Variants in WHAMM observed in about 807,000 individuals in gnomAD.
WHAMM encodes WASP homolog-associated protein with actin, membranes and microtubules.
A neutral mutation model predicts 76.5 loss-of-function variants in WHAMM; 67 were observed. The ratio of observed to expected loss-of-function variants is 0.88; its 90% CI spans 0.72 to 1.07. The LOEUF (loss-of-function observed/expected upper bound fraction) is 1.07. Among genes scored for constraint, WHAMM ranks in the 50% least tolerant of loss-of-function variants. WHAMM has a pLI of 0.00. For synonymous variants in WHAMM, 419 were observed against 422.1 expected (o/e 0.99, Z 0.09); for missense variants, 1,021 against 1,051.1 (o/e 0.97, Z 0.40).
At chr15:82,827,801 C>G (rs565965114) in intron 8 of WHAMM, among the ~76,000 whole-genome samples, 1 of 152,014 alleles carries the variant, frequency 6.6e-6, no homozygotes, top group Non-Finnish European at 1.5e-5. Flanking sequence ...AAAAATTAGC[C>G]GGGCATGGTG....
intron 7 of WHAMM, 38 bp downstream of exon 7, chr15:82,826,534 T>G (rs1275682023): frequency 2.5e-6 from 4 of 1,601,768 alleles, no homozygotes; most frequent in Non-Finnish European, 3.4e-6. Context: ...TATGTTTGTG[T>G]AGCGTGACAT....
chr15:82,832,170 T>G (rs946052461), intron 9 of WHAMM, among the ~76,000 whole-genome samples: 1 of 152,210 alleles, frequency 6.6e-6, no homozygotes, highest in African/African-American at 2.4e-5. Context: ...ATGCACATGG[T>G]TTTGGGAAGT....
chr15:82,818,152 A>G, intron 4 of WHAMM, 63 bp downstream of exon 4: 2 of 1,497,602 alleles, frequency 1.3e-6, no homozygotes, highest in African/African-American at 1.4e-5. Context: ...AACATTTTGT[A>G]TAAATAAAGG....
intron 2 of WHAMM, among the ~76,000 whole-genome samples, chr15:82,814,645 TTTC>T (rs1243348627): frequency 6.7e-6 from 1 of 149,044 alleles, no homozygotes; most frequent in Non-Finnish European, 1.5e-5. Context: ...AGAGACGGGG[TTTC>T]TTCATGTTGG....
intron 2 of WHAMM, 108 bp downstream of exon 2, chr15:82,813,384 C>A: frequency 9.3e-7 from 1 of 1,080,380 alleles, no homozygotes; most frequent in Non-Finnish European, 1.3e-6. Context: ...TTGGGTTTAC[C>A]ATTATGTTTA....
Position 82,835,126 on chromosome 15 carries a change from T to C in WHAMM, c.*1590T>C, listed in dbSNP as rs1015023817. ...TAGAACAGAAATCTTCCTACTTCAG[T>C]TTTTTTGTTTTTTTTTTTGAGACAG... On this transcript the variant is annotated 3_prime_UTR_variant, in exon 10 of 10. Coordinates refer to ENST00000286760, the MANE Select transcript of WHAMM (RefSeq NM_001080435.3). 2.4e-5 allele frequency: 2 copies of C among 84,088 alleles called. No individual in the cohort carries two copies. The highest frequency in any genetic ancestry group is 2.5e-4 in the Admixed American group (2 of 7,870). The allele number at this position is 84,088 out of a possible 1,614,324, so 5.2% of individuals were successfully genotyped here. A position where few individuals can be genotyped will look rare whatever the true frequency, so the allele number is the denominator to read the frequency against.
At chr15:82,814,390 G>A (rs2050683349) in intron 2 of WHAMM, among the ~76,000 whole-genome samples, 1 of 152,168 alleles carries the variant, frequency 6.6e-6, no homozygotes, top group Admixed American at 6.5e-5. Context: ...GGATAAAGTT[G>A]TTCTGTTCAT....
At chr15:82,812,153 A>G (rs1171132696) in intron 1 of WHAMM, among the ~76,000 whole-genome samples, 1 of 152,154 alleles carries the variant, frequency 6.6e-6, no homozygotes, top group Non-Finnish European at 1.5e-5. Flanking sequence ...CTTCATGGGA[A>G]TATTAATCTG....
chr15:82,815,149 A>G (rs2050704429), intron 2 of WHAMM, among the ~76,000 whole-genome samples: 3 of 46,266 alleles, frequency 6.5e-5, no homozygotes, highest in African/African-American at 3.7e-4. Flanking sequence ...ATATATATAT[A>G]TATATAGTAC....
At chr15:82,817,195 T>A (rs1474113101) in intron 3 of WHAMM, among the ~76,000 whole-genome samples, 1 of 151,820 alleles carries the variant, frequency 6.6e-6, no homozygotes, top group South Asian at 2.1e-4. Context: ...TGAGAGAAAA[T>A]AAAAAGTGAG....
chr15:82,829,004 T>C (rs1344878472), intron 8 of WHAMM, among the ~76,000 whole-genome samples: 2 of 152,150 alleles, frequency 1.3e-5, no homozygotes, highest in Non-Finnish European at 2.9e-5. Flanking sequence ...GAAGGGGACA[T>C]AGCCAATTTG....
intron 2 of WHAMM, among the ~76,000 whole-genome samples, chr15:82,816,153 C>T (rs1199621232): frequency 6.6e-6 from 1 of 152,160 alleles, no homozygotes; most frequent in Admixed American, 6.5e-5. Context: ...CTAATTACCC[C>T]CCAAAGGCCC....
chr15:82,820,896 C>CAAAAAAAAAAA (rs60974626), intron 5 of WHAMM, among the ~76,000 whole-genome samples: 7 of 119,666 alleles, frequency 5.8e-5, no homozygotes, highest in East Asian at 2.6e-4. Flanking sequence ...GACTCTGTCT[C>CAAAAAAAAAAA]AAAAAAAAAA....
intron 2 of WHAMM, 28 bp from the exon 3 acceptor site, chr15:82,816,664 C>T: frequency 6.5e-7 from 1 of 1,528,002 alleles, no homozygotes; most frequent in Non-Finnish European, 8.8e-7. Context: ...TTAGCTCTTA[C>T]TAAGAAAATT....
Position 82,836,049 on chromosome 15 carries a change from G to A in WHAMM, c.*2513G>A, listed in dbSNP as rs1256574231. 6.6e-6 allele frequency: 1 copy of A among 152,118 alleles called. No individual in the cohort carries two copies. The highest frequency in any genetic ancestry group is 1.5e-5 in the Non-Finnish European group (1 of 67,998). 9.4% of individuals were successfully genotyped at this position (152,118 alleles called of 1,614,324 possible). A position where few individuals can be genotyped will look rare whatever the true frequency, so the allele number is the denominator to read the frequency against. ...TTCTAAGGGCTGCCAAACACAAGAG[G>A]CCTTTGAAAAAAGGATCCTTTTCAA... On this transcript the variant is annotated 3_prime_UTR_variant, in exon 10 of 10. Transcript: ENST00000286760.
chr15:82,830,775 C>T lies in WHAMM; in HGVS notation c.1818C>T (p.Ser606=). 1.2e-6 allele frequency: 2 copies of T among 1,613,846 alleles called. No homozygotes were observed. The highest frequency in any genetic ancestry group is 1.3e-5 in the African/African-American group (1 of 75,014). The change falls in exon 9 of 10, where the codon AGC becomes AGT. Residue 606 remains serine, a synonymous_variant. Coordinates refer to ENST00000286760, the MANE Select transcript of WHAMM (RefSeq NM_001080435.3). ...VPLSEAGNVK[S]PKCQNCHGNI... ...TATCGGAAGCTGGTAATGTGAAAAG[C>T]CCCAAGTGTCAAAACTGTCATGGAA...
In WHAMM at chr15:82,828,529, C is replaced by T. The variant is rs148637689; in HGVS notation, c.1641+1683C>T. Among the ~76,000 whole-genome samples, 1,361 of 152,236 alleles carry T rather than the reference C, an allele frequency of 8.9e-3. 16 individuals are homozygous for T. Among genetic ancestry groups the T allele is most frequent in the African/African-American group, 0.031 (1,286 of 41,532 alleles). On this transcript the variant is annotated intron_variant, in intron 8 of 9. Transcript: ENST00000286760. ...CTGGTCACCATCACCAAGAGAGTTT[C>T]GATGAACAGAATGGAGTCAGTGTGG...
chr15:82,819,838 AC>A (rs968662049), intron 5 of WHAMM, among the ~76,000 whole-genome samples: 25 of 152,266 alleles, frequency 1.6e-4, no homozygotes, highest in African/African-American at 5.8e-4. Flanking sequence ...TACTAAAAAT[AC>A]AAAAATACTA....
rs910689777 is a variant in WHAMM, at chr15:82,834,945, AGGGAAG to A, written c.*1418_*1423del. On this transcript the variant is annotated 3_prime_UTR_variant, in exon 10 of 10. Coordinates refer to ENST00000286760, the MANE Select transcript of WHAMM (RefSeq NM_001080435.3). ...TCCTTAAAATTAAATTTTTAAAATC[AGGGAAG>A]GGGAAGGGACTGATGCAAAGCAGTC... The A allele has an allele frequency of 3.9e-5, 6 of 152,332 alleles. No homozygotes were observed. The South Asian group carries it at 1.0e-3, about 26-fold the overall frequency. 9.4% of individuals were successfully genotyped at this position (152,332 alleles called of 1,614,324 possible). A position where few individuals can be genotyped will look rare whatever the true frequency, so the allele number is the denominator to read the frequency against.
Sources: allele counts gnomAD v4.1 joint callset (sites outside exome capture counted in the v4.1 genomes callset), GRCh38; gene constraint gnomAD v4.1.1; transcripts MANE v1.5; gene names NCBI Gene and HGNC (gene_info 2026-07-23, HGNC 2026-07-21).